SPEF2: variants seen among roughly 807,000 people sequenced by gnomAD.
SPEF2 encodes the protein sperm flagellar and cilia associated 2, also known as sperm flagella and cilia-associated protein 2.
In SPEF2, 187 loss-of-function variants were observed where a neutral mutation model predicts 224.6. The observed-to-expected ratio is 0.83, with a 90% CI of 0.74 to 0.94. SPEF2 has a LOEUF of 0.94. Ranked by LOEUF, SPEF2 falls within the 40% of genes least tolerant of loss-of-function variation. The probability of loss-of-function intolerance (pLI) is 0.00; values close to 1 mark genes in which losing one functional copy is unlikely to be tolerated. For missense variants in SPEF2, 2,170 were observed against 2,135.6 expected (o/e 1.02, Z -0.32); for synonymous variants, 715 against 707.3 (o/e 1.01, Z -0.17).
Position 35,670,071 on chromosome 5 carries a change from T to C in SPEF2, c.1368T>C (p.Tyr456=), listed in dbSNP as rs1561168158. 6.2e-7 allele frequency: 1 copy of C among 1,604,024 alleles called. No individual in the cohort carries two copies. ...YRMLTNNLIP[Y]KLMHDWKELF... ...TTTTGTGCGATAGTCTGATTCCGTA[T>C]AAGTTGATGCATGATTGGAAGGAAC... Residue 456 remains tyrosine, a synonymous_variant, in exon 10 of 37, where the codon TAT becomes TAC. Coordinates refer to ENST00000356031, the MANE Select transcript of SPEF2 (RefSeq NM_024867.4).
At position 35,644,554 on chromosome 5, in the gene SPEF2, C is replaced by A. The variant is rs778115057; in HGVS notation, c.585+29C>A. ...CTATAGAACTATTTTTTCAGAAATT[C>A]ATTAGTGCATAGTATACAGTTTGTG... On this transcript the variant is annotated intron_variant, in intron 4 of 36. Transcript: ENST00000356031. 5 of 1,535,996 alleles carry A rather than the reference C, an allele frequency of 3.3e-6. No individual in the cohort carries two copies. In the African/African-American group the frequency reaches 5.5e-5, roughly 17 times the overall value.
At position 35,694,311 on chromosome 5, in the gene SPEF2, TGG is replaced by T; in HGVS notation, c.1924_1925del (p.Gly642SerfsTer5). 1 of 1,613,648 alleles carries T rather than the reference TGG, an allele frequency of 6.2e-7. No individual in the cohort carries two copies. The highest frequency in any genetic ancestry group is 1.3e-5 in the African/African-American group (1 of 75,040). On this transcript the variant is annotated frameshift_variant, in exon 13 of 37. Transcript: ENST00000356031. LOFTEE classifies it high-confidence loss of function. ...AGGATCCACAACATGTATTTTCAGCTGGTCCAGTTTCAGATGAAGTATTACCA... is the reference window on the plus strand; with the variant it reads ...AGGATCCACAACATGTATTTTCAGCTTCCAGTTTCAGATGAAGTATTACCA... ...SQDPQHVFSA[G>X]PVSDEVLPET...
chr5:35,645,892 G>A (rs188720575), intron 4 of SPEF2, among the ~76,000 whole-genome samples: 1 of 152,186 alleles, frequency 6.6e-6, no homozygotes, highest in East Asian at 1.9e-4. Context: ...TGTCTATAAT[G>A]TATGCCTTTT....
chr5:35,618,861 T>G (rs1366006513), intron 1 of SPEF2, among the ~76,000 whole-genome samples: 2 of 149,532 alleles, frequency 1.3e-5, no homozygotes, highest in Non-Finnish European at 2.9e-5. Context: ...TTTCAGTTGG[T>G]TTTGTTTGTC....
chr5:35,738,570 C>CA (rs1219921581), intron 21 of SPEF2, among the ~76,000 whole-genome samples: 14 of 148,060 alleles, frequency 9.5e-5, no homozygotes, highest in African/African-American at 1.7e-4. Context: ...CAAGTTTTGA[C>CA]AAACTTGTTA....
intron 7 of SPEF2, 91 bp downstream of exon 7, chr5:35,654,817 T>C (rs1239186998): frequency 7.0e-6 from 8 of 1,137,880 alleles, no homozygotes; most frequent in African/African-American, 6.3e-5. Flanking sequence ...TATATATGTA[T>C]TGTCTGCTAC....
chr5:35,744,853 G>A (rs1008577270), intron 23 of SPEF2, among the ~76,000 whole-genome samples: 4 of 152,160 alleles, frequency 2.6e-5, no homozygotes, highest in African/African-American at 9.7e-5. Context: ...GGCTTGCACT[G>A]TGAATTTTAG....
chr5:35,637,935 G>T (rs555971618), intron 2 of SPEF2, among the ~76,000 whole-genome samples: 5 of 152,240 alleles, frequency 3.3e-5, no homozygotes, highest in African/African-American at 1.2e-4. Flanking sequence ...GATGTGTTAT[G>T]ACTTGCACGT....
chr5:35,814,426 T>C (rs1003260977), intron 36 of SPEF2, 38 bp from the exon 37 acceptor site: 4 of 1,206,682 alleles, frequency 3.3e-6, no homozygotes, highest in Non-Finnish European at 4.8e-6. Context: ...TCATCCTTTA[T>C]TAGTATTTGT....
In SPEF2 at chr5:35,805,296, TG is replaced by T. The variant is rs367890275; in HGVS notation, c.5011-1410del. Among the ~76,000 whole-genome samples, 443 of 152,240 alleles carry T rather than the reference TG, an allele frequency of 2.9e-3. 2 individuals are homozygous for T. Among genetic ancestry groups the T allele is most frequent in the African/African-American group, 0.01 (417 of 41,544 alleles). Reference sequence around the variant, plus strand: ...AGTGACCATACAGAGCTATAGCAAATGTAACCTGCCTTCATTACACTGCCCA... The same window carrying T: ...AGTGACCATACAGAGCTATAGCAAATTAACCTGCCTTCATTACACTGCCCA... On this transcript the variant is annotated intron_variant, in intron 34 of 36. Transcript: ENST00000356031.
chr5:35,804,334 C>T (rs1161610351), intron 34 of SPEF2, among the ~76,000 whole-genome samples: 1 of 152,214 alleles, frequency 6.6e-6, no homozygotes, highest in Non-Finnish European at 1.5e-5. Flanking sequence ...GTCTGTTCCC[C>T]TGCTTAGATA....
chr5:35,634,650 TG>T (rs1179373089), intron 2 of SPEF2, among the ~76,000 whole-genome samples: 1 of 152,110 alleles, frequency 6.6e-6, no homozygotes, highest in African/African-American at 2.4e-5. Context: ...GTATGCCTGG[TG>T]ATGTCCTGTA....
chr5:35,683,211 C>T (rs1753082400), intron 10 of SPEF2, among the ~76,000 whole-genome samples: 1 of 152,152 alleles, frequency 6.6e-6, no homozygotes, highest in African/African-American at 2.4e-5. Context: ...CCAGGCTAGA[C>T]AGCAGAGTGG....
intron 9 of SPEF2, among the ~76,000 whole-genome samples, chr5:35,667,996 T>A (rs2172755): frequency 0.61 from 91,945 of 151,592 alleles, 28,577 homozygotes; most frequent in East Asian, 0.73. Context: ...TTAAAATTTT[T>A]AAAAAAATGA....
At chr5:35,728,007 T>C (rs1744969501) in intron 21 of SPEF2, among the ~76,000 whole-genome samples, 184 bp downstream of exon 21, 1 of 152,128 alleles carries the variant, frequency 6.6e-6, no homozygotes, top group South Asian at 2.1e-4. Flanking sequence ...CTTGAGTTTC[T>C]GAGTCATGCT....
At chr5:35,634,548 A>T (rs1232622385) in intron 2 of SPEF2, among the ~76,000 whole-genome samples, 1 of 151,910 alleles carries the variant, frequency 6.6e-6, no homozygotes, top group Non-Finnish European at 1.5e-5. Context: ...CTTTCATCAC[A>T]TTTGTGAAGT....
At chr5:35,789,926 T>G (rs1467649101) in intron 30 of SPEF2, 1 of 702,720 alleles carries the variant, frequency 1.4e-6, no homozygotes, top group Non-Finnish European at 2.6e-6. Context: ...TTATGCCAGG[T>G]AAGCAAGAAA....
chr5:35,754,472 C>T (rs1156923672), intron 24 of SPEF2, among the ~76,000 whole-genome samples: 1 of 152,202 alleles, frequency 6.6e-6, no homozygotes, highest in Admixed American at 6.5e-5. Flanking sequence ...CGAACTTCAT[C>T]ACAGGAGGTA....
chr5:35,751,082 C>CGTATATATAT (rs1561305754), intron 23 of SPEF2, among the ~76,000 whole-genome samples: 6 of 12,216 alleles, frequency 4.9e-4, no homozygotes, highest in Admixed American at 3.3e-3. Context: ...TATATATACA[C>CGTATATATAT]ACACACACAC....
Sources: allele counts gnomAD v4.1 joint callset (sites outside exome capture counted in the v4.1 genomes callset), GRCh38; gene constraint gnomAD v4.1.1; transcripts MANE v1.5; gene names NCBI Gene and HGNC (gene_info 2026-07-23, HGNC 2026-07-21).